The following PHF21B variants were observed in gnomAD, a reference collection of about 807,000 sequenced individuals.
The protein encoded by PHF21B is PHD finger protein 21B.
PHF21B carries 22 observed loss-of-function variants against 62.2 expected under a neutral mutation model. The ratio of observed to expected loss-of-function variants is 0.35; its 90% CI spans 0.25 to 0.51. PHF21B has a LOEUF of 0.51. PHF21B is among the 20% of genes least tolerant of loss of function. The pLI is 0.97. For missense variants in PHF21B, 701 were observed against 707.9 expected (o/e 0.99, Z 0.11); for synonymous variants, 341 against 314.7 (o/e 1.08, Z -0.88).
chr22:44,932,227 G>A (rs896423993), intron 2 of PHF21B, among the ~76,000 whole-genome samples: 4 of 152,230 alleles, frequency 2.6e-5, no homozygotes, highest in African/African-American at 9.6e-5. Context: ...AGGGCTGCCA[G>A]GAGAGGGCAG....
intron 2 of PHF21B, among the ~76,000 whole-genome samples, chr22:44,939,416 G>A (rs931324844): frequency 3.3e-5 from 5 of 152,222 alleles, no homozygotes; most frequent in African/African-American, 4.8e-5. Flanking sequence ...CAAAGTTGCC[G>A]CGAAGTTTCA....
rs41278893 is a variant in PHF21B at position 44,882,151 on chromosome 22, A to C, written c.*935T>G. 1,303 of 152,790 alleles carry C rather than the reference A, an allele frequency of 8.5e-3. 5 individuals are homozygous for C. Among genetic ancestry groups the C allele is most frequent in the Non-Finnish European group, 0.015 (1,027 of 68,050 alleles). The allele number at this position is 152,790 out of a possible 1,614,324, so 9.5% of individuals were successfully genotyped here. A position where few individuals can be genotyped will look rare whatever the true frequency, so the allele number is the denominator to read the frequency against. ...ATAGTGTCTGCACTGGCAAGAAGGGAGGAGTGGAATACTTATCGGCTCTTC... is the reference window on the plus strand; with the variant it reads ...ATAGTGTCTGCACTGGCAAGAAGGGCGGAGTGGAATACTTATCGGCTCTTC... On this transcript the variant is annotated 3_prime_UTR_variant, in exon 13 of 13. Coordinates refer to ENST00000313237, the MANE Select transcript of PHF21B (RefSeq NM_138415.5).
chr22:44,962,653 A>AT (rs1158490828), intron 2 of PHF21B, among the ~76,000 whole-genome samples: 10 of 152,224 alleles, frequency 6.6e-5, no homozygotes, highest in Admixed American at 6.5e-4. Flanking sequence ...TACTGGCTGT[A>AT]TTTCTCTGGG....
intron 2 of PHF21B, among the ~76,000 whole-genome samples, chr22:44,949,041 G>T (rs529665758): frequency 1.3e-5 from 2 of 152,186 alleles, no homozygotes; most frequent in African/African-American, 4.8e-5. Context: ...GGTGGCTCAC[G>T]CCTGTAATCC....
At chr22:44,911,576 G>A (rs1463547394) in intron 5 of PHF21B, among the ~76,000 whole-genome samples, 1 of 152,222 alleles carries the variant, frequency 6.6e-6, no homozygotes, top group Non-Finnish European at 1.5e-5. Flanking sequence ...ACAAGCCTCG[G>A]CAGCTTCCAC....
At chr22:44,956,794 G>A (rs2072306770) in intron 2 of PHF21B, among the ~76,000 whole-genome samples, 1 of 152,180 alleles carries the variant, frequency 6.6e-6, no homozygotes, top group South Asian at 2.1e-4. Flanking sequence ...GAAAACTTGG[G>A]CTAAGGGACA....
intron 2 of PHF21B, among the ~76,000 whole-genome samples, chr22:44,951,256 G>T (rs953188369): frequency 2.0e-5 from 3 of 152,180 alleles, no homozygotes; most frequent in Admixed American, 6.5e-5. Context: ...GCAGATCATC[G>T]GGCATTAGAT....
intron 2 of PHF21B, among the ~76,000 whole-genome samples, chr22:44,984,804 C>T (rs1023088019): frequency 4.6e-5 from 7 of 152,186 alleles, no homozygotes; most frequent in Admixed American, 3.3e-4. Flanking sequence ...TCCAGAACCT[C>T]GGCATTTCCC....
At chr22:44,884,677 T>C (rs5766153) in intron 12 of PHF21B, among the ~76,000 whole-genome samples, 192 of 91,134 alleles carry the variant, frequency 2.1e-3, no homozygotes, top group South Asian at 0.017. Flanking sequence ...ACCATCACCA[T>C]CATCACCATC....
At chr22:44,958,573 A>G (rs182909196) in intron 2 of PHF21B, among the ~76,000 whole-genome samples, 1 of 145,456 alleles carries the variant, frequency 6.9e-6, no homozygotes, top group East Asian at 2.0e-4. Context: ...AGATCTCCTC[A>G]GCTTCATCTT....
At chr22:44,920,543 T>C in intron 2 of PHF21B, 53 bp from the exon 3 acceptor site, 1 of 1,437,300 alleles carries the variant, frequency 7.0e-7, no homozygotes, top group Non-Finnish European at 9.6e-7. Context: ...TGAGACCGAA[T>C]CCGTTGCCCC....
intron 2 of PHF21B, among the ~76,000 whole-genome samples, chr22:44,939,362 ATG>A (rs1006638045): frequency 3.3e-5 from 5 of 152,220 alleles, no homozygotes; most frequent in African/African-American, 1.2e-4. Flanking sequence ...CAGGACTGCC[ATG>A]TGTGACTGGT....
At chr22:44,987,390 C>G (rs1361891834) in intron 2 of PHF21B, among the ~76,000 whole-genome samples, 1 of 152,164 alleles carries the variant, frequency 6.6e-6, no homozygotes, top group African/African-American at 2.4e-5. Flanking sequence ...TGAGAGGCAC[C>G]AGGACCTAAG....
chr22:44,946,089 G>C (rs1055625991), intron 2 of PHF21B, among the ~76,000 whole-genome samples: 1 of 152,190 alleles, frequency 6.6e-6, no homozygotes, highest in Non-Finnish European at 1.5e-5. Context: ...ATCAGGGAGA[G>C]TCAGGCCCTG....
chr22:44,902,276 T>C, intron 5 of PHF21B: 1 of 246,710 alleles, frequency 4.1e-6, no homozygotes. Flanking sequence ...AACAGAGAAG[T>C]ACAAGATTAC....
Position 44,882,838 on chromosome 22 carries a change from T to G in PHF21B, c.*248A>C. The G allele has an allele frequency of 6.3e-6, 3 of 475,978 alleles. No individual in the cohort carries two copies. The highest frequency in any genetic ancestry group is 1.1e-5 in the Non-Finnish European group (3 of 270,438). 29.5% of individuals were successfully genotyped at this position (475,978 alleles called of 1,614,324 possible). A position where few individuals can be genotyped will look rare whatever the true frequency, so the allele number is the denominator to read the frequency against. On this transcript the variant is annotated 3_prime_UTR_variant, in exon 13 of 13. Transcript: ENST00000313237. ...CCCCGAGGTGGCCGGGGGGAGACTGTGTGCCCCAGCCTGTCGTACCCCACC... is the reference window on the plus strand; with the variant it reads ...CCCCGAGGTGGCCGGGGGGAGACTGGGTGCCCCAGCCTGTCGTACCCCACC...
chr22:44,983,495 G>C (rs923113073), intron 2 of PHF21B, among the ~76,000 whole-genome samples: 1 of 152,186 alleles, frequency 6.6e-6, no homozygotes, highest in Non-Finnish European at 1.5e-5. Flanking sequence ...ACTGCAGGGA[G>C]GGGTCCCTGT....
intron 8 of PHF21B, among the ~76,000 whole-genome samples, chr22:44,890,816 C>G (rs2070950157): frequency 6.6e-6 from 1 of 152,222 alleles, no homozygotes; most frequent in Non-Finnish European, 1.5e-5. Context: ...AGAAGGAGCC[C>G]TCGGCTCCAA....
chr22:44,904,056 C>T (rs1015655660), intron 5 of PHF21B, among the ~76,000 whole-genome samples: 4 of 151,920 alleles, frequency 2.6e-5, no homozygotes, highest in Non-Finnish European at 5.9e-5. Context: ...TTTTCCTCTG[C>T]TGATTTAGAA....
Sources: allele counts gnomAD v4.1 joint callset (sites outside exome capture counted in the v4.1 genomes callset), GRCh38; gene constraint gnomAD v4.1.1; transcripts MANE v1.5; gene names NCBI Gene and HGNC (gene_info 2026-07-23, HGNC 2026-07-21).